The following NKAIN1 variants were observed in gnomAD, a reference collection of about 807,000 sequenced individuals.
NKAIN1 encodes the protein sodium/potassium transporting ATPase interacting 1.
Under a neutral mutation model 31.6 loss-of-function variants are expected in NKAIN1, and 13 were observed. That is an observed-to-expected ratio of 0.41 (90% confidence interval 0.27 to 0.65). The LOEUF is 0.65. Among genes scored for constraint, NKAIN1 ranks in the 30% least tolerant of loss-of-function variants. The pLI, the probability that NKAIN1 is intolerant of heterozygous loss-of-function variation, is 0.30. For missense variants in NKAIN1, 193 were observed against 262.2 expected, an observed-to-expected ratio of 0.74 and a Z score of 1.82; for synonymous variants, 104 against 109.0, an observed-to-expected ratio of 0.95 and a Z score of 0.28.
At chr1:31,234,094 A>G (rs2148369354) in intron 1 of NKAIN1, among the ~76,000 whole-genome samples, 1 of 152,318 alleles carries the variant, frequency 6.6e-6, no homozygotes, top group Middle Eastern at 3.4e-3. Flanking sequence ...TGCTCCGCCC[A>G]TCTCATAAGG....
At chr1:31,226,167 C>T (rs569155307) in intron 1 of NKAIN1, among the ~76,000 whole-genome samples, 1 of 152,360 alleles carries the variant, frequency 6.6e-6, no homozygotes, top group South Asian at 2.1e-4. Flanking sequence ...ATGAAGAAAC[C>T]AAGGTATAGA....
chr1:31,203,477 A>G (rs772436223), intron 1 of NKAIN1, among the ~76,000 whole-genome samples: 1 of 151,928 alleles, frequency 6.6e-6, no homozygotes, highest in Non-Finnish European at 1.5e-5. Context: ...GCATAACAAC[A>G]AAACAAAGAA....
At chr1:31,199,744 C>A (rs1421319212) in intron 1 of NKAIN1, among the ~76,000 whole-genome samples, 1 of 152,158 alleles carries the variant, frequency 6.6e-6, no homozygotes, top group Non-Finnish European at 1.5e-5. Flanking sequence ...TGGTCTTTGA[C>A]CCTGCCAAAG....
intron 1 of NKAIN1, among the ~76,000 whole-genome samples, chr1:31,197,489 G>T (rs1645338538): frequency 6.8e-6 from 1 of 148,084 alleles, no homozygotes; most frequent in Non-Finnish European, 1.5e-5. Context: ...CTTGTGATTT[G>T]CCCGCCTTGG....
At chr1:31,198,801 G>C (rs1195899569) in intron 1 of NKAIN1, among the ~76,000 whole-genome samples, 1 of 128,120 alleles carries the variant, frequency 7.8e-6, no homozygotes, top group Non-Finnish European at 1.6e-5. Context: ...CTTCAGCCCC[G>C]AGTCAGGGCT....
intron 1 of NKAIN1, among the ~76,000 whole-genome samples, chr1:31,189,726 A>G (rs1403623725): frequency 2.6e-5 from 4 of 152,180 alleles, no homozygotes; most frequent in Non-Finnish European, 5.9e-5. Context: ...TAGCCAAATA[A>G]TCAAAGACAA....
At chr1:31,203,316 G>C (rs10914322) in intron 1 of NKAIN1, among the ~76,000 whole-genome samples, 6,118 of 91,188 alleles carry the variant, frequency 0.067, 345 homozygotes, top group African/African-American at 0.14. Context: ...AAACACTGTG[G>C]ATGTCCCTCA....
At position 31,233,276 on chromosome 1, in the gene NKAIN1, C is replaced by A. The variant is rs1208106050; in HGVS notation, c.54+6218G>T. 6.6e-6 allele frequency among the ~76,000 whole-genome samples: 1 copy of A among 152,170 alleles called. No homozygotes were observed. Among genetic ancestry groups the A allele is most frequent in the Non-Finnish European group, 1.5e-5 (1 of 68,042 alleles). On this transcript the variant is annotated intron_variant, in intron 1 of 6. Coordinates refer to ENST00000373736, the MANE Select transcript of NKAIN1 (RefSeq NM_024522.3). This position sits in a 1 kb window ranked among gnomAD's most constrained non-coding sequence, Gnocchi z 4.0. ...TGCATCACAGCTCTTTTAAGTCCAGCACAGAGCTTGGGGGTGGGTAGAATG... is the reference window on the plus strand; with the variant it reads ...TGCATCACAGCTCTTTTAAGTCCAGAACAGAGCTTGGGGGTGGGTAGAATG...
chr1:31,201,072 A>G (rs1007244752), intron 1 of NKAIN1, among the ~76,000 whole-genome samples: 3 of 152,048 alleles, frequency 2.0e-5, no homozygotes, highest in African/African-American at 7.2e-5. Flanking sequence ...TTGGGAGGCG[A>G]AGGCGGGTGG....
chr1:31,209,154 C>G (rs1645447069), intron 1 of NKAIN1, among the ~76,000 whole-genome samples: 1 of 152,176 alleles, frequency 6.6e-6, no homozygotes, highest in African/African-American at 2.4e-5. Context: ...GCAGGTGGAT[C>G]ACCCGAGGTC....
At chr1:31,183,453 T>C (rs1362751238) in intron 4 of NKAIN1, among the ~76,000 whole-genome samples, 1 of 35,682 alleles carries the variant, frequency 2.8e-5, no homozygotes, top group Non-Finnish European at 1.8e-4. Context: ...TTTTTTTTTT[T>C]TTTTTTTTTT....
rs1187015542 is a variant in NKAIN1, at chr1:31,239,220, A to G, written c.54+274T>C. ...ACAGCGCATCCCCCAACAGGAGGCCACTTGTACAGTGCGGGCGGGCCGGGG... is the reference window on the plus strand; with the variant it reads ...ACAGCGCATCCCCCAACAGGAGGCCGCTTGTACAGTGCGGGCGGGCCGGGG... On this transcript the variant is annotated intron_variant, in intron 1 of 6. Coordinates refer to ENST00000373736, the MANE Select transcript of NKAIN1 (RefSeq NM_024522.3). This position sits in a 1 kb window ranked among gnomAD's most constrained non-coding sequence, Gnocchi z 4.8. Among the ~76,000 whole-genome samples, 2 of 152,168 alleles carry G rather than the reference A, an allele frequency of 1.3e-5. No homozygotes were observed. The highest frequency in any genetic ancestry group is 2.9e-5 in the Non-Finnish European group (2 of 68,030).
chr1:31,197,630 T>C (rs1232077538), intron 1 of NKAIN1, among the ~76,000 whole-genome samples: 2 of 147,022 alleles, frequency 1.4e-5, no homozygotes, highest in African/African-American at 2.5e-5. Context: ...TGCTGCAACC[T>C]CTATCTCCCG....
chr1:31,197,178 C>A (rs1229611989), intron 1 of NKAIN1, among the ~76,000 whole-genome samples: 2 of 146,420 alleles, frequency 1.4e-5, no homozygotes, highest in Non-Finnish European at 3.0e-5. Context: ...GTGGCACAAT[C>A]TCGGCTCACT....
intron 1 of NKAIN1, among the ~76,000 whole-genome samples, chr1:31,227,796 C>T (rs747804490): frequency 5.9e-5 from 9 of 152,162 alleles, no homozygotes; most frequent in Non-Finnish European, 1.2e-4. Flanking sequence ...CCCGGGCCAT[C>T]CTGCTCATGG....
In NKAIN1 at chr1:31,239,612, C is replaced by T. The variant is rs1317468853; in HGVS notation, c.-65G>A. 1 of 970,694 alleles carries T rather than the reference C, an allele frequency of 1.0e-6. No homozygotes were observed. The highest frequency in any genetic ancestry group is 4.9e-5 in the South Asian group (1 of 20,590). 60.1% of individuals were successfully genotyped at this position (970,694 alleles called of 1,614,324 possible). ...TCTTGCTCCGCGGCCGCCGCCTGCT[C>T]GCGCCGCGCGGGCTCCACGTCCTCC... On this transcript the variant is annotated 5_prime_UTR_variant, in exon 1 of 7. Coordinates refer to ENST00000373736, the MANE Select transcript of NKAIN1 (RefSeq NM_024522.3). The surrounding 1 kb of genome is among the most constrained non-coding windows in gnomAD (Gnocchi z 4.8).
intron 1 of NKAIN1, among the ~76,000 whole-genome samples, chr1:31,216,951 C>T (rs1645518254): frequency 6.6e-6 from 1 of 152,054 alleles, no homozygotes; most frequent in South Asian, 2.1e-4. Flanking sequence ...CTGCAAACTC[C>T]GCCTCCCGCA....
intron 1 of NKAIN1, among the ~76,000 whole-genome samples, chr1:31,237,088 A>G (rs914557164): frequency 2.0e-5 from 3 of 152,100 alleles, no homozygotes; most frequent in African/African-American, 7.2e-5. Flanking sequence ...ACCCACCTCT[A>G]AAACACAAAA....
chr1:31,194,767 CTTTTTTTTTTTTT>C (rs35385145), intron 1 of NKAIN1, among the ~76,000 whole-genome samples: 2 of 99,446 alleles, frequency 2.0e-5, no homozygotes, highest in Middle Eastern at 0.014. Context: ...CTCTCTCTCT[CTTTTTTTTTTTTT>C]TTTTTTTTTG....
Sources: gnomAD v4.1 joint callset for allele counts (sites outside exome capture counted in the v4.1 genomes callset) on GRCh38, gnomAD v4.1.1 for gene constraint, Gnocchi (gnomAD v3.1) non-coding constraint, MANE v1.5 for transcripts, NCBI Gene and HGNC (gene_info 2026-07-23, HGNC 2026-07-21) for gene names.